Variants in EDIL3 observed in about 807,000 individuals in gnomAD.
EDIL3 encodes the protein EGF like and discoidin domains 3, also known as EGF-like repeat and discoidin I-like domain-containing protein 3.
In EDIL3, 37 loss-of-function variants were observed where a neutral mutation model predicts 67.4. The observed-to-expected ratio is 0.55, with a 90% CI of 0.42 to 0.72. The LOEUF (loss-of-function observed/expected upper bound fraction) is 0.72. EDIL3 is among the 30% of genes least tolerant of loss of function. EDIL3 has a pLI of 0.00. For missense variants in EDIL3, 527 were observed against 586.3 expected (o/e 0.90, Z 1.04); for synonymous variants, 195 against 196.3 (o/e 0.99, Z 0.05).
intron 4 of EDIL3, among the ~76,000 whole-genome samples, chr5:84,150,399 G>T (rs192547338): frequency 6.6e-6 from 1 of 152,052 alleles, no homozygotes; most frequent in Admixed American, 6.5e-5. Context: ...ATATGATAAA[G>T]AACTTGTATA....
At chr5:84,229,060 A>AT (rs1033963729) in intron 3 of EDIL3, among the ~76,000 whole-genome samples, 39 of 150,888 alleles carry the variant, frequency 2.6e-4, no homozygotes, top group Middle Eastern at 3.4e-3. Flanking sequence ...ACTTGACTCT[A>AT]TTTTTTTTTC....
chr5:84,012,511 CAA>C (rs1745534408), intron 9 of EDIL3, among the ~76,000 whole-genome samples: 2 of 152,016 alleles, frequency 1.3e-5, no homozygotes, highest in African/African-American at 4.8e-5. Context: ...TTTAATAAAA[CAA>C]ACTCTTTTCA....
intron 1 of EDIL3, among the ~76,000 whole-genome samples, chr5:84,352,461 G>A (rs1016573899): frequency 6.6e-6 from 1 of 152,086 alleles, no homozygotes; most frequent in Admixed American, 6.6e-5. Context: ...GGGATTCTAT[G>A]CAGCCATAAA....
intron 1 of EDIL3, among the ~76,000 whole-genome samples, chr5:84,301,062 G>A (rs1024731787): frequency 1.3e-5 from 2 of 152,162 alleles, no homozygotes; most frequent in Non-Finnish European, 2.9e-5. Context: ...CTGAGGTCGA[G>A]AGTTCAAGAC....
chr5:84,108,775 G>C (rs2112285608), intron 5 of EDIL3, among the ~76,000 whole-genome samples: 1 of 152,246 alleles, frequency 6.6e-6, no homozygotes, highest in South Asian at 2.1e-4. Flanking sequence ...ACAATGTTTG[G>C]ATGGAAAAAT....
intron 1 of EDIL3, among the ~76,000 whole-genome samples, chr5:84,299,552 A>T (rs1392460): frequency 0.32 from 48,707 of 151,900 alleles, 8,047 homozygotes; most frequent in Non-Finnish European, 0.35. Flanking sequence ...CTTTTCTCTA[A>T]CTTTTAAATT....
chr5:84,086,132 GCT>G (rs1373042169), intron 6 of EDIL3, among the ~76,000 whole-genome samples: 2 of 152,136 alleles, frequency 1.3e-5, no homozygotes, highest in African/African-American at 4.8e-5. Flanking sequence ...AGACCACTTG[GCT>G]CTCTGGCTTC....
rs74943676 is a variant in EDIL3 at position 84,288,590 on chromosome 5, C to T, written c.68-34378G>A. On this transcript the variant is annotated intron_variant, in intron 1 of 10. Coordinates refer to ENST00000296591, the MANE Select transcript of EDIL3 (RefSeq NM_005711.5). ...TATCAACTGTACTCAGAGGGCTTCA[C>T]ATCGTCCTGTCACCTCGGGATATTT... 2.0e-3 allele frequency among the ~76,000 whole-genome samples: 311 copies of T among 152,260 alleles called. 2 individuals are homozygous for T. The highest frequency in any genetic ancestry group is 7.2e-3 in the African/African-American group (298 of 41,576).
intron 1 of EDIL3, among the ~76,000 whole-genome samples, chr5:84,308,142 A>G (rs1746310185): frequency 6.6e-6 from 1 of 152,202 alleles, no homozygotes; most frequent in African/African-American, 2.4e-5. Flanking sequence ...CATAGGAAAG[A>G]AGAGAAGAGG....
intron 9 of EDIL3, among the ~76,000 whole-genome samples, chr5:84,008,451 T>C (rs1745464329): frequency 1.3e-5 from 2 of 151,758 alleles, no homozygotes; most frequent in African/African-American, 2.4e-5. Flanking sequence ...AAATATTAGA[T>C]GGGAAACAGA....
chr5:84,015,799 T>C (rs370373653), intron 9 of EDIL3, among the ~76,000 whole-genome samples: 6 of 152,208 alleles, frequency 3.9e-5, no homozygotes, highest in African/African-American at 4.8e-5. Flanking sequence ...AGAAGTTAAA[T>C]AGCAGAAACT....
chr5:84,185,485 C>A (rs1401856146), intron 3 of EDIL3, among the ~76,000 whole-genome samples: 1 of 152,004 alleles, frequency 6.6e-6, no homozygotes, highest in African/African-American at 2.4e-5. Context: ...CCTACTAGAC[C>A]ATAAATTCTG....
chr5:84,340,753 C>A (rs1326440560), intron 1 of EDIL3, among the ~76,000 whole-genome samples: 1 of 151,556 alleles, frequency 6.6e-6, no homozygotes, highest in Non-Finnish European at 1.5e-5. Flanking sequence ...TTTCCATTGC[C>A]AGTGAGATAA....
At chr5:84,015,550 A>C (rs1310419907) in intron 9 of EDIL3, among the ~76,000 whole-genome samples, 1 of 152,226 alleles carries the variant, frequency 6.6e-6, no homozygotes, top group African/African-American at 2.4e-5. Context: ...ACAAAAGTGC[A>C]TATTTCCTCA....
chr5:84,115,471 G>A (rs1001152845), intron 5 of EDIL3, among the ~76,000 whole-genome samples: 3 of 152,104 alleles, frequency 2.0e-5, no homozygotes, highest in Admixed American at 6.5e-5. Context: ...GCATATTGAT[G>A]CAGAATAATG....
chr5:83,960,921 A>T (rs1744596237), intron 10 of EDIL3, among the ~76,000 whole-genome samples: 1 of 151,096 alleles, frequency 6.6e-6, no homozygotes. Flanking sequence ...AAAAGCAGAG[A>T]TAGACTGGAC....
intron 6 of EDIL3, among the ~76,000 whole-genome samples, chr5:84,091,073 A>C (rs1747158153): frequency 6.6e-6 from 1 of 152,210 alleles, no homozygotes; most frequent in African/African-American, 2.4e-5. Context: ...CTCCCCCTCA[A>C]AATAAAAGGG....
chr5:83,999,115 AAGATGT>A (rs746860790), intron 9 of EDIL3, among the ~76,000 whole-genome samples: 1 of 152,200 alleles, frequency 6.6e-6, no homozygotes, highest in Non-Finnish European at 1.5e-5. Flanking sequence ...GCAATGACCA[AAGATGT>A]AGATCACAAC....
intron 3 of EDIL3, among the ~76,000 whole-genome samples, chr5:84,215,329 T>C (rs572106254): frequency 6.6e-6 from 1 of 151,268 alleles, no homozygotes; most frequent in Admixed American, 6.6e-5. Flanking sequence ...TCTCGGCTCA[T>C]TGCAAGATCC....
Sources: gnomAD v4.1 joint callset for allele counts (sites outside exome capture counted in the v4.1 genomes callset) on GRCh38, gnomAD v4.1.1 for gene constraint, MANE v1.5 for transcripts, NCBI Gene and HGNC (gene_info 2026-07-23, HGNC 2026-07-21) for gene names.